REEP3: variants seen among roughly 807,000 people sequenced by gnomAD.
REEP3 encodes receptor expression-enhancing protein 3.
REEP3 carries 20 observed loss-of-function variants against 41.3 expected under a neutral mutation model. The ratio of observed to expected loss-of-function variants is 0.48; its 90% CI spans 0.34 to 0.70. REEP3 has a LOEUF of 0.70. Ranked by LOEUF, REEP3 falls within the 30% of genes least tolerant of loss-of-function variation. The probability of loss-of-function intolerance (pLI) is 0.01; values close to 1 mark genes in which losing one functional copy is unlikely to be tolerated. For synonymous variants in REEP3, 104 were observed against 101.8 expected (o/e 1.02, Z -0.13); for missense variants, 271 against 308.8 (o/e 0.88, Z 0.92).
chr10:63,601,405 C>G (rs983276860), intron 5 of REEP3, among the ~76,000 whole-genome samples: 10 of 152,158 alleles, frequency 6.6e-5, no homozygotes, highest in African/African-American at 2.4e-4. Flanking sequence ...CTCCCCAGAG[C>G]TAGGGAATGG....
chr10:63,555,861 T>C (rs1246667276), intron 1 of REEP3, among the ~76,000 whole-genome samples: 1 of 152,206 alleles, frequency 6.6e-6, no homozygotes, highest in Non-Finnish European at 1.5e-5. Flanking sequence ...CAGTTGATTA[T>C]TTTACATAGA....
In REEP3 at chr10:63,598,105, T is replaced by C. The variant is rs774984305; in HGVS notation, c.264T>C (p.Tyr88=). ...ATACCAAAGGAGCAAGTTTAATATA[T>C]AGAAAATTCCTTCATCCACTTCTTT... is the stretch of plus-strand genomic sequence containing the variant. ...SPYTKGASLI[Y]RKFLHPLLSS... Residue 88 remains tyrosine, a synonymous_variant, in exon 4 of 8, where the codon TAT becomes TAC. Transcript: ENST00000373758. 2 of 1,591,816 alleles carry C rather than the reference T, an allele frequency of 1.3e-6. No individual in the cohort carries two copies. The highest frequency in any genetic ancestry group is 1.7e-6 in the Non-Finnish European group (2 of 1,159,960).
intron 6 of REEP3, among the ~76,000 whole-genome samples, chr10:63,611,876 G>A (rs1165242403): frequency 1.3e-5 from 2 of 150,370 alleles, no homozygotes; most frequent in Non-Finnish European, 3.0e-5. Context: ...GGAAGTTGAG[G>A]CTGCAATGAG....
At chr10:63,541,495 T>G (rs777156983) in intron 1 of REEP3, among the ~76,000 whole-genome samples, 5 of 152,136 alleles carry the variant, frequency 3.3e-5, no homozygotes, top group Non-Finnish European at 5.9e-5. Context: ...CTATTCTATA[T>G]TAGGACAAAA....
At chr10:63,584,688 G>A (rs922631929) in intron 2 of REEP3, among the ~76,000 whole-genome samples, 3 of 152,056 alleles carry the variant, frequency 2.0e-5, no homozygotes, top group African/African-American at 4.8e-5. Context: ...TTAGTGAATC[G>A]GGAATAGATC....
At chr10:63,599,571 A>G in intron 5 of REEP3, 1 of 459,754 alleles carries the variant, frequency 2.2e-6, no homozygotes, top group Non-Finnish European at 2.9e-6. Flanking sequence ...GTTTGAGTAA[A>G]TCACCTGATG....
At chr10:63,527,393 C>T (rs1292947709) in intron 1 of REEP3, among the ~76,000 whole-genome samples, 1 of 152,114 alleles carries the variant, frequency 6.6e-6, no homozygotes, top group African/African-American at 2.4e-5. Context: ...TAGTCCAAGC[C>T]GGGCACAGTG....
rs1276607331 is a variant in REEP3 at position 63,521,591 on chromosome 10, A to G, written c.32+14A>G. On this transcript the variant is annotated intron_variant, in intron 1 of 7. Coordinates refer to ENST00000373758, the MANE Select transcript of REEP3 (RefSeq NM_001001330.3). ...CAGAGCCGTGGTGTAAGTGCCTCTCACTGCGCCCTGCAGCCGGCGCGAGGC... is the reference window on the plus strand; with the variant it reads ...CAGAGCCGTGGTGTAAGTGCCTCTCGCTGCGCCCTGCAGCCGGCGCGAGGC... 6 of 1,405,038 alleles carry G rather than the reference A, an allele frequency of 4.3e-6. No individual in the cohort carries two copies. 87.0% of individuals were successfully genotyped at this position (1,405,038 alleles called of 1,614,324 possible). A position where few individuals can be genotyped will look rare whatever the true frequency, so the allele number is the denominator to read the frequency against.
At chr10:63,600,584 G>T (rs1455679879) in intron 5 of REEP3, among the ~76,000 whole-genome samples, 1 of 152,092 alleles carries the variant, frequency 6.6e-6, no homozygotes, top group Non-Finnish European at 1.5e-5. Context: ...CTTGCTTAGT[G>T]AAAATGCATT....
At chr10:63,602,539 T>C (rs1000323234) in intron 5 of REEP3, among the ~76,000 whole-genome samples, 3 of 152,224 alleles carry the variant, frequency 2.0e-5, no homozygotes, top group Non-Finnish European at 1.5e-5. Flanking sequence ...AAAAATTATT[T>C]AGAGAACACA....
In REEP3 at chr10:63,554,019, G is replaced by C. The variant is rs61853642; in HGVS notation, c.33-12319G>C. ...CAGGAGGCTGAGGCAGGAGAATGGCGTGAACCCGGGAGGCAGAGCTTGCAG... is the reference window on the plus strand; with the variant it reads ...CAGGAGGCTGAGGCAGGAGAATGGCCTGAACCCGGGAGGCAGAGCTTGCAG... On this transcript the variant is annotated intron_variant, in intron 1 of 7. Coordinates refer to ENST00000373758, the MANE Select transcript of REEP3 (RefSeq NM_001001330.3). Among the ~76,000 whole-genome samples, 5 of 151,626 alleles carry C rather than the reference G, an allele frequency of 3.3e-5. No homozygotes were observed. The East Asian group carries it at 9.8e-4, about 30-fold the overall frequency.
chr10:63,563,258 GATA>G (rs1955760973), intron 1 of REEP3, among the ~76,000 whole-genome samples: 2 of 152,156 alleles, frequency 1.3e-5, no homozygotes, highest in Admixed American at 6.5e-5. Flanking sequence ...TAAAACAAAA[GATA>G]ATAACCTACA....
At chr10:63,567,772 A>G (rs1955813651) in intron 2 of REEP3, among the ~76,000 whole-genome samples, 1 of 152,136 alleles carries the variant, frequency 6.6e-6, no homozygotes, top group African/African-American at 2.4e-5. Flanking sequence ...CAGAGATTAG[A>G]TCATTATTCT....
rs558551870 is a variant in REEP3 at position 63,620,679 on chromosome 10, T to C, written c.712-134T>C. On this transcript the variant is annotated intron_variant, in intron 7 of 7. Transcript: ENST00000373758. Reference sequence around the variant, plus strand: ...TGAGTTTATAAGTAGTGCTGTCTTATATACATTTATTAAGAGAATTCATTC... The same window carrying C: ...TGAGTTTATAAGTAGTGCTGTCTTACATACATTTATTAAGAGAATTCATTC... 45 of 555,722 alleles carry C rather than the reference T, an allele frequency of 8.1e-5. No individual in the cohort carries two copies. The South Asian group carries it at 1.2e-3, about 15-fold the overall frequency. 34.4% of individuals were successfully genotyped at this position (555,722 alleles called of 1,614,324 possible).
chr10:63,567,483 A>G (rs1485755687), intron 2 of REEP3, among the ~76,000 whole-genome samples: 2 of 152,132 alleles, frequency 1.3e-5, no homozygotes, highest in Non-Finnish European at 2.9e-5. Flanking sequence ...TTTAAGGTTC[A>G]TACGTATCTT....
At chr10:63,562,280 G>A (rs182021697) in intron 1 of REEP3, among the ~76,000 whole-genome samples, 3 of 149,092 alleles carry the variant, frequency 2.0e-5, no homozygotes, top group East Asian at 2.0e-4. Flanking sequence ...TTTTAGAGAC[G>A]GAGTCTTACT....
chr10:63,603,020 G>A (rs1422496403), intron 5 of REEP3, among the ~76,000 whole-genome samples: 2 of 151,980 alleles, frequency 1.3e-5, no homozygotes, highest in Non-Finnish European at 2.9e-5. Context: ...TGGTTGATAA[G>A]ACCCCACCCA....
At chr10:63,540,550 G>A (rs577779532) in intron 1 of REEP3, among the ~76,000 whole-genome samples, 70 of 152,262 alleles carry the variant, frequency 4.6e-4, no homozygotes, top group Middle Eastern at 6.8e-3. Flanking sequence ...AGGGAGGAAG[G>A]AAGCTTGAGG....
intron 1 of REEP3, among the ~76,000 whole-genome samples, chr10:63,553,025 C>A (rs1306335073): frequency 1.3e-5 from 2 of 152,236 alleles, no homozygotes; most frequent in African/African-American, 2.4e-5. Context: ...AATGCTTTTA[C>A]AATGACTTAA....
Sources: allele counts gnomAD v4.1 joint callset (sites outside exome capture counted in the v4.1 genomes callset), GRCh38; gene constraint gnomAD v4.1.1; transcripts MANE v1.5; gene names NCBI Gene and HGNC (gene_info 2026-07-23, HGNC 2026-07-21).